The following CSMD1 variants were observed in gnomAD, a reference collection of about 807,000 sequenced individuals.
CSMD1 encodes the protein CUB and Sushi multiple domains 1.
Under a neutral mutation model 417.5 loss-of-function variants are expected in CSMD1, and 213 were observed. The ratio of observed to expected loss-of-function variants is 0.51; its 90% CI spans 0.46 to 0.57. The LOEUF (loss-of-function observed/expected upper bound fraction) is 0.57, where lower values mean the gene tolerates loss of function less well. CSMD1 is among the 20% of genes least tolerant of loss of function. The pLI is 0.00. For missense variants in CSMD1, 6,923 were observed against 4,529.7 expected (o/e 1.53, Z -15.17); for synonymous variants, 2,862 against 1,736.8 (o/e 1.65, Z -16.11).
intron 1 of CSMD1, among the ~76,000 whole-genome samples, chr8:4,641,590 C>G (rs897769193): frequency 1.3e-5 from 2 of 152,156 alleles, no homozygotes; most frequent in African/African-American, 2.4e-5. Context: ...TGTCCAAAGT[C>G]TTCTGGGAAT....
intron 3 of CSMD1, among the ~76,000 whole-genome samples, chr8:4,070,778 T>C (rs1001528250): frequency 2.0e-5 from 3 of 152,214 alleles, no homozygotes; most frequent in Non-Finnish European, 4.4e-5. Context: ...TGACACCCTC[T>C]CATAAGCTGT....
chr8:4,601,673 C>T (rs1453818351), intron 2 of CSMD1, among the ~76,000 whole-genome samples: 3 of 152,050 alleles, frequency 2.0e-5, no homozygotes, highest in Non-Finnish European at 4.4e-5. Flanking sequence ...TTCTCCATAC[C>T]CCTCATCATG....
chr8:3,132,139 C>G (rs1309266121), intron 41 of CSMD1, among the ~76,000 whole-genome samples: 1 of 152,188 alleles, frequency 6.6e-6, no homozygotes, highest in Non-Finnish European at 1.5e-5. Flanking sequence ...TGTGCCTGCT[C>G]TGCGAGGCCA....
intron 5 of CSMD1, among the ~76,000 whole-genome samples, chr8:3,778,428 C>G (rs1386665792): frequency 1.3e-5 from 2 of 152,218 alleles, no homozygotes; most frequent in African/African-American, 4.8e-5. Context: ...TAAATGATCT[C>G]TTTCCACTTC....
chr8:3,087,781 A>G (rs1224367380), intron 48 of CSMD1, among the ~76,000 whole-genome samples: 1 of 152,246 alleles, frequency 6.6e-6, no homozygotes, highest in African/African-American at 2.4e-5. Context: ...ATCATTTTGA[A>G]TGACCTCACT....
intron 5 of CSMD1, among the ~76,000 whole-genome samples, chr8:3,780,646 G>A (rs988269811): frequency 6.6e-6 from 1 of 152,170 alleles, no homozygotes; most frequent in Non-Finnish European, 1.5e-5. Context: ...TCCTGGGGTT[G>A]TAATCAAGCC....
chr8:4,338,164 A>G (rs1468631805), intron 3 of CSMD1, among the ~76,000 whole-genome samples: 1 of 152,166 alleles, frequency 6.6e-6, no homozygotes, highest in Admixed American at 6.5e-5. Flanking sequence ...GTAGAGAATT[A>G]CAAAAATATT....
chr8:3,478,351 T>C (rs1046089758), intron 11 of CSMD1, among the ~76,000 whole-genome samples: 7 of 152,238 alleles, frequency 4.6e-5, no homozygotes, highest in Non-Finnish European at 1.0e-4. Context: ...GTGATGCTAC[T>C]TTACAGATTT....
chr8:3,381,663 A>G (rs76910356), intron 18 of CSMD1, among the ~76,000 whole-genome samples: 2,581 of 152,302 alleles, frequency 0.017, 81 homozygotes, highest in African/African-American at 0.059. Flanking sequence ...ACTAAAAATT[A>G]TACAGACACA....
chr8:3,533,330 G>C (rs1331332226), intron 10 of CSMD1, among the ~76,000 whole-genome samples: 1 of 152,112 alleles, frequency 6.6e-6, no homozygotes, highest in Non-Finnish European at 1.5e-5. Flanking sequence ...TTGTACAGCA[G>C]ATCTCTAGAA....
At chr8:3,574,244 T>A (rs962307619) in intron 10 of CSMD1, among the ~76,000 whole-genome samples, 1 of 152,162 alleles carries the variant, frequency 6.6e-6, no homozygotes, top group African/African-American at 2.4e-5. Flanking sequence ...ACAGAATTGT[T>A]TTTTATCTTT....
chr8:4,373,010 C>T (rs1169115410), intron 3 of CSMD1, among the ~76,000 whole-genome samples: 2 of 152,162 alleles, frequency 1.3e-5, no homozygotes, highest in Non-Finnish European at 2.9e-5. Flanking sequence ...CCTCAGCTAG[C>T]ATCAGCAGTG....
intron 5 of CSMD1, among the ~76,000 whole-genome samples, chr8:3,812,773 T>G (rs1409365633): frequency 6.6e-6 from 1 of 152,146 alleles, no homozygotes; most frequent in East Asian, 1.9e-4. Context: ...TAACCAAGGG[T>G]CAATGTATAG....
chr8:3,374,352 A>T (rs968356637), intron 18 of CSMD1, among the ~76,000 whole-genome samples: 2 of 152,184 alleles, frequency 1.3e-5, no homozygotes, highest in Non-Finnish European at 2.9e-5. Flanking sequence ...TAAGAAACAT[A>T]CTAATGTTTT....
intron 5 of CSMD1, among the ~76,000 whole-genome samples, chr8:3,804,992 G>A (rs1309929140): frequency 3.3e-5 from 5 of 152,132 alleles, no homozygotes; most frequent in South Asian, 2.1e-4. Context: ...CACTTTCACA[G>A]TTCACTTCTT....
chr8:4,517,044 T>A (rs1031797176), intron 2 of CSMD1, among the ~76,000 whole-genome samples: 3 of 152,212 alleles, frequency 2.0e-5, no homozygotes, highest in African/African-American at 7.2e-5. Context: ...ATTATTTAGA[T>A]CTCTGTTTTT....
intron 2 of CSMD1, among the ~76,000 whole-genome samples, chr8:4,620,920 G>C (rs1044320513): frequency 6.6e-6 from 1 of 151,646 alleles, no homozygotes; most frequent in African/African-American, 2.4e-5. Flanking sequence ...TAGGCAACTG[G>C]CAAATAATAA....
At chr8:3,706,096 T>C (rs1190618263) in intron 7 of CSMD1, among the ~76,000 whole-genome samples, 1 of 152,242 alleles carries the variant, frequency 6.6e-6, no homozygotes, top group South Asian at 2.1e-4. Context: ...GGCCTGTGCC[T>C]ACCTCCCCTA....
At chr8:4,537,861 T>G (rs1033151052) in intron 2 of CSMD1, among the ~76,000 whole-genome samples, 4 of 152,208 alleles carry the variant, frequency 2.6e-5, no homozygotes, top group African/African-American at 7.2e-5. Flanking sequence ...TGCATTGCTT[T>G]GATCACATAG....
Sources: allele counts gnomAD v4.1 joint callset (sites outside exome capture counted in the v4.1 genomes callset), GRCh38; gene constraint gnomAD v4.1.1; transcripts MANE v1.5; gene names NCBI Gene and HGNC (gene_info 2026-07-23, HGNC 2026-07-21).